Variants in ZNF439 observed in about 807,000 individuals in gnomAD.
ZNF439 encodes zinc finger protein 439.
In ZNF439, 40 loss-of-function variants were observed where a neutral mutation model predicts 47.3. That is an observed-to-expected ratio of 0.85 (90% CI 0.66 to 1.10). The LOEUF is 1.10. Among genes scored for constraint, ZNF439 ranks in the 50% least tolerant of loss-of-function variants. The pLI, the probability that ZNF439 is intolerant of heterozygous loss-of-function variation, is 0.00. For missense variants in ZNF439, 556 were observed against 601.1 expected (o/e 0.93, Z 0.78); for synonymous variants, 171 against 198.8 (o/e 0.86, Z 1.18).
chr19:11,867,491 G>A lies in ZNF439; in HGVS notation c.437G>A (p.Gly146Asp), dbSNP rs758112378. The change falls in exon 4 of 4, where the codon GGT becomes GAT. Residue 146 changes from glycine to aspartate, a missense_variant. Physicochemically the swap from Gly to Asp is moderately conservative, Grantham distance 94 (BLOSUM62 -1). Coordinates refer to ENST00000682736, the MANE Select transcript of ZNF439 (RefSeq NM_001348719.2). ...TCATCTTCTAATATGAACATCAGAG[G>A]TGACACTGGACACAAGGCATGTGAA... ...GNSSSNMNIR[G>D]DTGHKACECQ... 5.6e-6 allele frequency: 9 copies of A among 1,613,990 alleles called. No individual in the cohort carries two copies. Among genetic ancestry groups the A allele is most frequent in the East Asian group, 2.2e-5 (1 of 44,876 alleles).
At chr19:11,862,748 T>A (rs558273964) in intron 1 of ZNF439, among the ~76,000 whole-genome samples, 46 of 152,212 alleles carry the variant, frequency 3.0e-4, no homozygotes, top group Non-Finnish European at 5.7e-4. Flanking sequence ...TTCTGTTGTT[T>A]TTTTTTTTCT....
chr19:11,865,339 A>G (rs1311867207), intron 1 of ZNF439, among the ~76,000 whole-genome samples: 3 of 151,316 alleles, frequency 2.0e-5, no homozygotes, highest in Admixed American at 1.3e-4. Flanking sequence ...GCATCTATCT[A>G]GCTACATTCT....
chr19:11,850,601 T>A (rs570637996), intron 1 of ZNF439: 4 of 152,194 alleles, frequency 2.6e-5, no homozygotes, highest in African/African-American at 9.6e-5. Flanking sequence ...GACTCAGTAC[T>A]CCAAAATTGG....
intron 1 of ZNF439, among the ~76,000 whole-genome samples, chr19:11,853,955 GT>G (rs1347347981): frequency 4.6e-5 from 7 of 152,178 alleles, no homozygotes; most frequent in Non-Finnish European, 1.0e-4. Context: ...AAACTCTTGA[GT>G]TTGCTTATTT....
At chr19:11,866,431 T>C (rs895757093) in intron 2 of ZNF439, 100 bp downstream of exon 2, 2 of 1,603,632 alleles carry the variant, frequency 1.2e-6, no homozygotes, top group Admixed American at 1.7e-5. Flanking sequence ...GGAAATACTT[T>C]GATGAATAAA....
chr19:11,865,712 CAAAAAAAAAAAA>C (rs71166640), intron 1 of ZNF439, among the ~76,000 whole-genome samples: 9 of 82,006 alleles, frequency 1.1e-4, no homozygotes, highest in South Asian at 6.1e-4. Context: ...TACACTATCA[CAAAAAAAAAAAA>C]AAAAAAAAAA....
At position 11,866,338 on chromosome 19, in the gene ZNF439, A is replaced by C; in HGVS notation, c.190+7A>C. 6.2e-7 allele frequency: 1 copy of C among 1,614,156 alleles called. No individual in the cohort carries two copies. Among genetic ancestry groups the C allele is most frequent in the Non-Finnish European group, 8.5e-7 (1 of 1,180,002 alleles). Reference sequence around the variant, plus strand: ...TGGAACCTGACCTCTATAGGTAAGGATGACAATATTCCTTCCCTCAGTGCA... The same window carrying C: ...TGGAACCTGACCTCTATAGGTAAGGCTGACAATATTCCTTCCCTCAGTGCA... On this transcript the variant is annotated splice_region_variant and intron_variant, in intron 2 of 3. Coordinates refer to ENST00000682736, the MANE Select transcript of ZNF439 (RefSeq NM_001348719.2).
intron 1 of ZNF439, among the ~76,000 whole-genome samples, chr19:11,865,738 A>AAAAAAAAAAAAAC (rs1409459624): frequency 6.9e-6 from 1 of 144,842 alleles, no homozygotes; most frequent in African/African-American, 2.6e-5. Flanking sequence ...AAAAAAAAAA[A>AAAAAAAAAAAAAC]AATTGCTGTC....
intron 1 of ZNF439, among the ~76,000 whole-genome samples, chr19:11,851,805 C>T (rs76146288): frequency 0.012 from 1,867 of 152,142 alleles, 28 homozygotes; most frequent in African/African-American, 0.04. Flanking sequence ...CCCACTACCA[C>T]ACCTGGGTAA....
In ZNF439 at chr19:11,867,699, G is replaced by C. The variant is rs1242364466; in HGVS notation, c.645G>C (p.Gly215=). ...AAAGACACATGGTAGTGCACAGTGG[G>C]GATGGACCTTATAAATGTAAGTTTT... The part of the protein sequence containing the change: ...SIQRHMVVHS[G]DGPYKCKFCG... Residue 215 remains glycine (G), a synonymous_variant, in exon 4 of 4, where the codon GGG becomes GGC. Transcript: ENST00000682736. 1.9e-6 allele frequency: 3 copies of C among 1,614,152 alleles called. No homozygotes were observed. Among genetic ancestry groups the C allele is most frequent in the Middle Eastern group, 1.6e-4 (1 of 6,062 alleles).
At chr19:11,864,761 A>G (rs1976628387) in intron 1 of ZNF439, among the ~76,000 whole-genome samples, 1 of 151,494 alleles carries the variant, frequency 6.6e-6, no homozygotes, top group African/African-American at 2.4e-5. Context: ...TGTTTCATAT[A>G]TGTCGTAGTA....
chr19:11,852,507 T>TTTTG (rs904973062), intron 1 of ZNF439, among the ~76,000 whole-genome samples: 3 of 152,148 alleles, frequency 2.0e-5, no homozygotes, highest in East Asian at 1.9e-4. Flanking sequence ...ACTTGGTTGT[T>TTTTG]TTTGTTTGTT....
intron 1 of ZNF439, among the ~76,000 whole-genome samples, chr19:11,865,041 A>C (rs1300722504): frequency 6.6e-6 from 1 of 152,090 alleles, no homozygotes; most frequent in Non-Finnish European, 1.5e-5. Flanking sequence ...CCACCTCCCA[A>C]AGTGCTGGGA....
In ZNF439 at chr19:11,868,460, A is replaced by C; in HGVS notation, c.1406A>C (p.Lys469Thr). Residue 469 changes from lysine to threonine, a missense_variant, in exon 4 of 4, where the codon AAA becomes ACA. By Grantham distance (78) the Lys-to-Thr change is moderately conservative. Transcript: ENST00000682736. ...RIHRRIHTGEKPYECKKCGKA... is the reference protein window; with the variant it reads ...RIHRRIHTGETPYECKKCGKA... ...CATCGTAGGATTCACACTGGAGAGA[A>C]ACCCTATGAATGTAAGAAATGTGGG... is the stretch of plus-strand genomic sequence containing the variant. The C allele has an allele frequency of 6.2e-7, 1 of 1,614,012 alleles. No individual in the cohort carries two copies. Among genetic ancestry groups the C allele is most frequent in the South Asian group, 1.1e-5 (1 of 91,084 alleles).
intron 1 of ZNF439, chr19:11,849,953 G>A (rs924960947): frequency 6.6e-6 from 1 of 152,140 alleles, no homozygotes; most frequent in South Asian, 2.1e-4. Flanking sequence ...AAAGGGAGAG[G>A]GTATAAGGAG....
At chr19:11,854,180 A>G (rs2145158417) in intron 1 of ZNF439, among the ~76,000 whole-genome samples, 1 of 152,352 alleles carries the variant, frequency 6.6e-6, no homozygotes, top group Non-Finnish European at 1.5e-5. Context: ...TAATTCTATT[A>G]TGAAGTAGCC....
chr19:11,849,459 G>A, intron 1 of ZNF439: 1 of 295,764 alleles, frequency 3.4e-6, no homozygotes, highest in Non-Finnish European at 5.0e-6. Flanking sequence ...GACCTTGGCC[G>A]AGGGAAACAC....
Position 11,868,512 on chromosome 19 carries a change from T to A in ZNF439, c.1458T>A (p.Phe486Leu). ...CGKAFRYVQN[F>L]RFHERTQTHK... ...AAGCCTTCAGATATGTCCAGAACTT[T>A]CGATTTCATGAAAGGACACAAACAC... The change falls in exon 4 of 4, where the codon TTT becomes TTA. Residue 486 changes from phenylalanine to leucine, a missense_variant. Transcript: ENST00000682736. 1 of 1,611,294 alleles carries A rather than the reference T, an allele frequency of 6.2e-7. No individual in the cohort carries two copies. The highest frequency in any genetic ancestry group is 8.5e-7 in the Non-Finnish European group (1 of 1,178,884).
At position 11,848,940 on chromosome 19, in the gene ZNF439, C is replaced by G. The variant is rs1205848646; in HGVS notation, c.63+10C>G. Reference sequence around the variant, plus strand: ...TGAAAGCCGGGAAATGGTGCGTGTGCTGGCCGGGAGTGGTGCGATGGGGGA... The same window carrying G: ...TGAAAGCCGGGAAATGGTGCGTGTGGTGGCCGGGAGTGGTGCGATGGGGGA... On this transcript the variant is annotated intron_variant, in intron 1 of 3. Transcript: ENST00000682736. The G allele has an allele frequency of 1.9e-6, 3 of 1,557,556 alleles. No homozygotes were observed. Among genetic ancestry groups the G allele is most frequent in the East Asian group, 2.4e-5 (1 of 41,402 alleles).
Sources: allele counts gnomAD v4.1 joint callset (sites outside exome capture counted in the v4.1 genomes callset), GRCh38; gene constraint gnomAD v4.1.1; transcripts MANE v1.5; gene names NCBI Gene and HGNC (gene_info 2026-07-23, HGNC 2026-07-21).